The following TXK variants were observed in gnomAD, a reference collection of about 807,000 sequenced individuals.
TXK encodes the protein TXK tyrosine kinase.
In TXK, 60 loss-of-function variants were observed where a neutral mutation model predicts 81.0. The observed-to-expected ratio is 0.74, with a 90% CI of 0.60 to 0.92. TXK has a LOEUF of 0.92. TXK is among the 40% of genes least tolerant of loss of function. The pLI is 0.00. For missense variants in TXK, 581 were observed against 638.3 expected (o/e 0.91, Z 0.97); for synonymous variants, 203 against 210.7 (o/e 0.96, Z 0.32).
rs1322365404 is a variant in TXK at position 48,131,693 on chromosome 4, T to G, written c.16+2462A>C. ...CTCAAAATATCCCGCCAATAGGTAGTCCCTTATTTAATCCCTTGGACAATC... is the reference window on the plus strand; with the variant it reads ...CTCAAAATATCCCGCCAATAGGTAGGCCCTTATTTAATCCCTTGGACAATC... On this transcript the variant is annotated intron_variant, in intron 1 of 14. Transcript: ENST00000264316. Among the ~76,000 whole-genome samples, 4 of 152,190 alleles carry G rather than the reference T, an allele frequency of 2.6e-5. No individual in the cohort carries two copies. The East Asian group carries it at 5.8e-4, about 22-fold the overall frequency.
chr4:48,089,007 G>C (rs1331377153), intron 9 of TXK, among the ~76,000 whole-genome samples: 1 of 152,148 alleles, frequency 6.6e-6, no homozygotes, highest in Non-Finnish European at 1.5e-5. Flanking sequence ...TTGCTAGAAA[G>C]TGGTTCAAAT....
chr4:48,131,204 C>G (rs1719240135), intron 1 of TXK, among the ~76,000 whole-genome samples: 1 of 152,162 alleles, frequency 6.6e-6, no homozygotes, highest in East Asian at 1.9e-4. Flanking sequence ...GATCAATATC[C>G]CACGCTCCAC....
chr4:48,097,395 A>G (rs1718022036), intron 6 of TXK, among the ~76,000 whole-genome samples: 1 of 151,274 alleles, frequency 6.6e-6, no homozygotes, highest in African/African-American at 2.4e-5. Context: ...GAGTAGAAAA[A>G]TTGATTGGGT....
intron 10 of TXK, among the ~76,000 whole-genome samples, chr4:48,083,053 C>T: frequency 6.6e-6 from 1 of 152,232 alleles, no homozygotes; most frequent in East Asian, 1.9e-4. Flanking sequence ...ATACTGGCCC[C>T]CTGCCCTTGC....
chr4:48,095,046 A>C, intron 7 of TXK, 97 bp downstream of exon 7: 1 of 1,050,232 alleles, frequency 9.5e-7, no homozygotes, highest in East Asian at 2.4e-5. Context: ...CCAGGTCAAC[A>C]ATCTTTTCCC....
At chr4:48,091,391 G>C (rs1231079415) in intron 8 of TXK, among the ~76,000 whole-genome samples, 1 of 152,192 alleles carries the variant, frequency 6.6e-6, no homozygotes, top group Non-Finnish European at 1.5e-5. Flanking sequence ...GCAGTATTCT[G>C]GGTATGATGG....
intron 1 of TXK, among the ~76,000 whole-genome samples, chr4:48,125,869 GTCC>G (rs1719076520): frequency 6.6e-6 from 1 of 152,230 alleles, no homozygotes; most frequent in Non-Finnish European, 1.5e-5. Context: ...GCTGGCAAAA[GTCC>G]TCCTTGCTCA....
At chr4:48,069,095 A>T (rs1716729032) in intron 14 of TXK, among the ~76,000 whole-genome samples, 1 of 115,194 alleles carries the variant, frequency 8.7e-6, no homozygotes, top group Admixed American at 9.2e-5. Flanking sequence ...AGGTAGGAGG[A>T]CTGCTTGAGG....
At chr4:48,122,636 CAATT>C (rs1035279569) in intron 1 of TXK, among the ~76,000 whole-genome samples, 3 of 152,154 alleles carry the variant, frequency 2.0e-5, no homozygotes, top group African/African-American at 7.2e-5. Flanking sequence ...ATTTTGTTCA[CAATT>C]ATTATATCCC....
At chr4:48,083,982 A>G (rs1267775557) in intron 10 of TXK, among the ~76,000 whole-genome samples, 1 of 152,224 alleles carries the variant, frequency 6.6e-6, no homozygotes, top group Non-Finnish European at 1.5e-5. Flanking sequence ...AGCTATATAT[A>G]CTCGGTAGAT....
chr4:48,110,420 A>G, intron 5 of TXK, 118 bp downstream of exon 5: 1 of 686,152 alleles, frequency 1.5e-6, no homozygotes, highest in East Asian at 2.8e-5. Flanking sequence ...TCTCTTTATT[A>G]TTAACGCTGT....
intron 11 of TXK, 45 bp from the exon 12 acceptor site, chr4:48,076,511 T>C (rs1312806951): frequency 6.5e-7 from 1 of 1,548,094 alleles, no homozygotes; most frequent in South Asian, 1.1e-5. Flanking sequence ...CAAGCTTTTA[T>C]TTCAAGAGTT....
rs1716655214 is a variant in TXK, at chr4:48,067,559, T to A, written c.*78A>T. On this transcript the variant is annotated 3_prime_UTR_variant, in exon 15 of 15. Transcript: ENST00000264316. ...TCTGAAGAAAGATATTCACCATAAG[T>A]GACCCCATATGGTGAAGATATTCAC... 2.4e-5 allele frequency: 33 copies of A among 1,370,562 alleles called. No individual in the cohort carries two copies. The highest frequency in any genetic ancestry group is 3.2e-5 in the Non-Finnish European group (31 of 959,082). 84.9% of individuals were successfully genotyped at this position (1,370,562 alleles called of 1,614,324 possible). A position where few individuals can be genotyped will look rare whatever the true frequency, so the allele number is the denominator to read the frequency against.
chr4:48,117,130 C>T (rs745498406), intron 1 of TXK, among the ~76,000 whole-genome samples: 7 of 152,176 alleles, frequency 4.6e-5, no homozygotes, highest in African/African-American at 1.2e-4. Flanking sequence ...TCAAGTCATC[C>T]GCCCAACCTG....
chr4:48,123,065 CAAATT>C (rs1305762515), intron 1 of TXK, among the ~76,000 whole-genome samples: 1 of 152,194 alleles, frequency 6.6e-6, no homozygotes, highest in Non-Finnish European at 1.5e-5. Flanking sequence ...TTAATATAAA[CAAATT>C]ATTTAATATC....
chr4:48,094,247 A>C, intron 7 of TXK, 43 bp from the exon 8 acceptor site: 1 of 1,604,582 alleles, frequency 6.2e-7, no homozygotes, highest in Non-Finnish European at 8.5e-7. Flanking sequence ...GTGAAAGATC[A>C]ATTTGGATCT....
chr4:48,079,113 T>C (rs932765072), intron 11 of TXK, among the ~76,000 whole-genome samples: 1 of 152,238 alleles, frequency 6.6e-6, no homozygotes, highest in Admixed American at 6.5e-5. Flanking sequence ...ATCTTGCTTC[T>C]AACCTCCAAG....
intron 1 of TXK, among the ~76,000 whole-genome samples, chr4:48,132,904 C>CCA (rs1156434648): frequency 2.0e-5 from 3 of 151,820 alleles, no homozygotes; most frequent in Admixed American, 6.6e-5. Context: ...TGAGATCGTG[C>CCA]CACTGCACTC....
intron 10 of TXK, among the ~76,000 whole-genome samples, chr4:48,085,796 C>T (rs577438986): frequency 1.3e-5 from 2 of 152,240 alleles, no homozygotes; most frequent in African/African-American, 4.8e-5. Flanking sequence ...CAGGGAAGAT[C>T]ATCTTCCCAC....
Sources: allele counts gnomAD v4.1 joint callset (sites outside exome capture counted in the v4.1 genomes callset), GRCh38; gene constraint gnomAD v4.1.1; transcripts MANE v1.5; gene names NCBI Gene and HGNC (gene_info 2026-07-23, HGNC 2026-07-21).